Variants in LENG1 observed in about 807,000 individuals in gnomAD.
LENG1 encodes leukocyte receptor cluster (LRC) member 1.
LENG1 carries 35 observed loss-of-function variants against 28.8 expected under a neutral mutation model. The ratio of observed to expected loss-of-function variants is 1.22; its 90% CI spans 0.93 to 1.61. LENG1 has a LOEUF of 1.61. LENG1 is among the 40% of genes most tolerant of loss of function. The pLI, the probability that LENG1 is intolerant of heterozygous loss-of-function variation, is 0.00. For synonymous variants in LENG1, 170 were observed against 140.6 expected (o/e 1.21, Z -1.48); for missense variants, 404 against 348.9 (o/e 1.16, Z -1.26).
At position 54,156,889 on chromosome 19, in the gene LENG1, A is replaced by G; in HGVS notation, c.449T>C (p.Ile150Thr). Residue 150 changes from isoleucine (I) to threonine (T), a missense_variant, in exon 3 of 4, where the codon ATC (isoleucine) becomes ACC (threonine). By Grantham distance (89) the Ile-to-Thr change is moderately conservative. Transcript: ENST00000222224. Reference sequence around the variant, plus strand: ...CCGCAGAGGGTCCAGACGGCTCTTGATCTTCTCATCTGGGGCTGGGCCGGG... The same window carrying G: ...CCGCAGAGGGTCCAGACGGCTCTTGGTCTTCTCATCTGGGGCTGGGCCGGG... ...PPPGPAPDEK[I>T]KSRLDPLREM... The G allele has an allele frequency of 4.1e-6, 6 of 1,452,736 alleles. No homozygotes were observed. Among genetic ancestry groups the G allele is most frequent in the Non-Finnish European group, 5.7e-6 (6 of 1,049,880 alleles). 90.0% of individuals were successfully genotyped at this position (1,452,736 alleles called of 1,614,324 possible). A position where few individuals can be genotyped will look rare whatever the true frequency, so the allele number is the denominator to read the frequency against.
Position 54,155,774 on chromosome 19 carries a change from T to C in LENG1, c.742A>G (p.Asn248Asp). 6.2e-7 allele frequency: 1 copy of C among 1,610,894 alleles called. No individual in the cohort carries two copies. The highest frequency in any genetic ancestry group is 8.5e-7 in the Non-Finnish European group (1 of 1,179,552). ...CGGGGGCGCCGGGCCAGCTGGGGGT[T>C]GAATTGGGAGTTGTACCGCCGCCGC... ...DRRRRYNSQF[N>D]PQLARRPRQQ... is the part of the protein sequence containing the mutation. The change falls in exon 4 of 4, where the codon AAC becomes GAC. Residue 248 changes from asparagine (N) to aspartate (D), a missense_variant. By Grantham distance (23) the Asn-to-Asp change is conservative. Coordinates refer to ENST00000222224, the MANE Select transcript of LENG1 (RefSeq NM_024316.3).
At chr19:54,156,118 T>C (rs1368943173) in intron 3 of LENG1, among the ~76,000 whole-genome samples, 178 bp from the exon 4 acceptor site, 2 of 152,238 alleles carry the variant, frequency 1.3e-5, no homozygotes, top group Non-Finnish European at 2.9e-5. Context: ...GGCACGTCTC[T>C]GGCCTTCCCT....
Position 54,156,772 on chromosome 19 carries a change from C to G in LENG1, c.566G>C (p.Arg189Pro), listed in dbSNP as rs780571663. ...GGTGGGGTCTTCTTACTCCTTGGGTCGCTGCTTCTCAGACCCCTCCTTTTC... is the reference window on the plus strand; with the variant it reads ...GGTGGGGTCTTCTTACTCCTTGGGTGGCTGCTTCTCAGACCCCTCCTTTTC... ...RKEKEGSEKQ[R>P]PKEPPSLDQL... Residue 189 changes from arginine (R) to proline (P), a missense_variant, in exon 3 of 4, where the codon CGA (arginine) becomes CCA (proline). Coordinates refer to ENST00000222224, the MANE Select transcript of LENG1 (RefSeq NM_024316.3). 4 of 1,611,058 alleles carry G rather than the reference C, an allele frequency of 2.5e-6. No homozygotes were observed. Among genetic ancestry groups the G allele is most frequent in the African/African-American group, 1.3e-5 (1 of 74,774 alleles).
Position 54,155,463 on chromosome 19 carries a change from G to A in LENG1, c.*258C>T, listed in dbSNP as rs2075356590. On this transcript the variant is annotated 3_prime_UTR_variant, in exon 4 of 4. Coordinates refer to ENST00000222224, the MANE Select transcript of LENG1 (RefSeq NM_024316.3). ...CCCCGCATGCTGATCCCCCTGCCCA[G>A]GTGAGGGCCCTGCCCTGGAAGACTG... The A allele has an allele frequency of 8.3e-7, 1 of 1,201,522 alleles. No individual in the cohort carries two copies. The highest frequency in any genetic ancestry group is 1.4e-5 in the South Asian group (1 of 73,926). The allele number at this position is 1,201,522 out of a possible 1,614,324, so 74.4% of individuals were successfully genotyped here. A position where few individuals can be genotyped will look rare whatever the true frequency, so the allele number is the denominator to read the frequency against.
At position 54,155,384 on chromosome 19, in the gene LENG1, C is replaced by T; in HGVS notation, c.*337G>A. 6.2e-7 allele frequency: 1 copy of T among 1,610,850 alleles called. No homozygotes were observed. The highest frequency in any genetic ancestry group is 8.5e-7 in the Non-Finnish European group (1 of 1,178,024). ...AGGCTTCACCTTTGAGTACCGCTAC[C>T]TGGAGGACCGGGACCTCCAGTGACA... On this transcript the variant is annotated 3_prime_UTR_variant, in exon 4 of 4. Transcript: ENST00000222224.
chr19:54,155,858 G>T lies in LENG1; in HGVS notation c.658C>A (p.Arg220=), dbSNP rs190733955. 18 of 1,612,732 alleles carry T rather than the reference G, an allele frequency of 1.1e-5. No homozygotes were observed. In the African/African-American group the frequency reaches 2.0e-4, roughly 18 times the overall value. The change falls in exon 4 of 4, where the codon CGG becomes AGG. Residue 220 remains arginine (R), a synonymous_variant. Transcript: ENST00000222224. ...ERSRAEALLA[R]VQGRALQEGQ... is the part of the protein sequence containing the mutation. Reference sequence around the variant, plus strand: ...TCCTGTAGTGCCCGGCCTTGGACCCGGGCCAGCAGGGCCTCTGCCCGAGAC... The same window carrying T: ...TCCTGTAGTGCCCGGCCTTGGACCCTGGCCAGCAGGGCCTCTGCCCGAGAC...
rs2075369732 is a variant in LENG1 at position 54,155,811 on chromosome 19, CTCG to C, written c.702_704del (p.Asp234del). The C allele has an allele frequency of 2.5e-6, 4 of 1,612,484 alleles. No homozygotes were observed. The African/African-American group carries it at 5.3e-5, about 21-fold the overall frequency. On this transcript the variant is annotated inframe_deletion, in exon 4 of 4. Transcript: ENST00000222224. ...TGTACCGCCGCCGCCGGTCATCCGT[CTCG>C]TCTTCTTCCGGCTGACCCTCCTGTA... is the stretch of plus-strand genomic sequence containing the variant.
chr19:54,156,433 A>C (rs35034412), intron 3 of LENG1, among the ~76,000 whole-genome samples: 3 of 152,198 alleles, frequency 2.0e-5, no homozygotes, highest in African/African-American at 7.2e-5. Context: ...GAAAACTAAG[A>C]AAGTTTGGAC....
At chr19:54,158,226 C>T (rs1287851604) in intron 2 of LENG1, 56 bp downstream of exon 2, 5 of 1,510,270 alleles carry the variant, frequency 3.3e-6, no homozygotes, top group African/African-American at 2.8e-5. Context: ...CTAAAGTGCC[C>T]CCTCCCTCCA....
rs2075362477 is a variant in LENG1 at position 54,155,614 on chromosome 19, T to C, written c.*107A>G. 3 of 1,210,590 alleles carry C rather than the reference T, an allele frequency of 2.5e-6. No homozygotes were observed. The highest frequency in any genetic ancestry group is 3.5e-6 in the Non-Finnish European group (3 of 868,248). 75.0% of individuals were successfully genotyped at this position (1,210,590 alleles called of 1,614,324 possible). A position where few individuals can be genotyped will look rare whatever the true frequency, so the allele number is the denominator to read the frequency against. The stretch of plus-strand genomic sequence containing the variant: ...GGCTGCCCCCTCCTCCCCTCCCCAG[T>C]GAGGGACATTTTTTGGTAAACCTAT... On this transcript the variant is annotated 3_prime_UTR_variant, in exon 4 of 4. Coordinates refer to ENST00000222224, the MANE Select transcript of LENG1 (RefSeq NM_024316.3).
chr19:54,155,496 G>GC lies in LENG1; in HGVS notation c.*224dup. On this transcript the variant is annotated 3_prime_UTR_variant, in exon 4 of 4. Transcript: ENST00000222224. ...CCCTGCCCTGGAAGACTGGAGGGAG[G>GC]CCCCAAGCCACGGGGCATCCCCCTC... 2 of 1,003,000 alleles carry GC rather than the reference G, an allele frequency of 2.0e-6. No homozygotes were observed. Among genetic ancestry groups the GC allele is most frequent in the Non-Finnish European group, 2.9e-6 (2 of 683,792 alleles). 62.1% of individuals were successfully genotyped at this position (1,003,000 alleles called of 1,614,324 possible). A position where few individuals can be genotyped will look rare whatever the true frequency, so the allele number is the denominator to read the frequency against.
chr19:54,155,486 C>A lies in LENG1; in HGVS notation c.*235G>T. ...CAGGTGAGGGCCCTGCCCTGGAAGA[C>A]TGGAGGGAGGCCCCAAGCCACGGGG... On this transcript the variant is annotated 3_prime_UTR_variant, in exon 4 of 4. Coordinates refer to ENST00000222224, the MANE Select transcript of LENG1 (RefSeq NM_024316.3). 4.7e-6 allele frequency: 5 copies of A among 1,064,128 alleles called. No homozygotes were observed. Among genetic ancestry groups the A allele is most frequent in the Non-Finnish European group, 6.8e-6 (5 of 734,914 alleles). 65.9% of individuals were successfully genotyped at this position (1,064,128 alleles called of 1,614,324 possible). A position where few individuals can be genotyped will look rare whatever the true frequency, so the allele number is the denominator to read the frequency against.
chr19:54,155,961 T>A, intron 3 of LENG1, 21 bp from the exon 4 acceptor site: 1 of 1,588,960 alleles, frequency 6.3e-7, no homozygotes, highest in East Asian at 2.3e-5. Flanking sequence ...AGGAGTGAGG[T>A]CAGAAAGCTG....
intron 1 of LENG1, among the ~76,000 whole-genome samples, chr19:54,159,163 T>A (rs2075451959): frequency 6.6e-6 from 1 of 152,204 alleles, no homozygotes; most frequent in Non-Finnish European, 1.5e-5. Context: ...CAGTGCTTAT[T>A]GGGGATTCCG....
In LENG1 at chr19:54,158,422, T is replaced by G. The variant is rs1018693589; in HGVS notation, c.172A>C (p.Asn58His). ...GCTGCTTCAAGCTCAGGCAGTGAGT[T>G]CTGATGTCTGGCTTTCTTCCGTAGG... is the stretch of plus-strand genomic sequence containing the variant. ...EFLRKKARHQ[N>H]SLPELEAAEA... The change falls in exon 2 of 4, where the codon AAC (asparagine) becomes CAC (histidine). Residue 58 changes from asparagine to histidine, a missense_variant. By Grantham distance (68) the Asn-to-His change is moderately conservative. Coordinates refer to ENST00000222224, the MANE Select transcript of LENG1 (RefSeq NM_024316.3). 6.2e-7 allele frequency: 1 copy of G among 1,614,034 alleles called. No homozygotes were observed. Among genetic ancestry groups the G allele is most frequent in the Non-Finnish European group, 8.5e-7 (1 of 1,180,018 alleles).
Position 54,157,567 on chromosome 19 carries a change from C to T in LENG1, c.313-542G>A, listed in dbSNP as rs138549361. 2.7e-4 allele frequency among the ~76,000 whole-genome samples: 41 copies of T among 152,000 alleles called. No homozygotes were observed. The East Asian group carries it at 3.3e-3, about 12-fold the overall frequency. ...TATTTTTAGTAGAGACGGGGTTTTG[C>T]CATGTTTGGCCAGGCTGGTCTTGAA... On this transcript the variant is annotated intron_variant, in intron 2 of 3. Transcript: ENST00000222224.
rs371721795 is a variant in LENG1, at chr19:54,155,814, G to T, written c.702C>A (p.Asp234Glu). 5 of 1,612,404 alleles carry T rather than the reference G, an allele frequency of 3.1e-6. No homozygotes were observed. Among genetic ancestry groups the T allele is most frequent in the South Asian group, 1.1e-5 (1 of 90,794 alleles). The change falls in exon 4 of 4, where the codon GAC becomes GAA. Residue 234 changes from aspartate to glutamate, a missense_variant. Asp to Glu is a conservative substitution (Grantham distance 45). Coordinates refer to ENST00000222224, the MANE Select transcript of LENG1 (RefSeq NM_024316.3). ...ACCGCCGCCGCCGGTCATCCGTCTCGTCTTCTTCCGGCTGACCCTCCTGTA... is the reference window on the plus strand; with the variant it reads ...ACCGCCGCCGCCGGTCATCCGTCTCTTCTTCTTCCGGCTGACCCTCCTGTA... ...RALQEGQPEEDETDDRRRRYN... is the reference protein window; with the variant it reads ...RALQEGQPEEEETDDRRRRYN...
At position 54,158,240 on chromosome 19, in the gene LENG1, C is replaced by G. The variant is rs369711554; in HGVS notation, c.312+42G>C. 26 of 1,581,368 alleles carry G rather than the reference C, an allele frequency of 1.6e-5. No individual in the cohort carries two copies. In the East Asian group the frequency reaches 5.6e-4, roughly 34 times the overall value. ...GCTAAAGTGCCCCCTCCCTCCAACT[C>G]GATTCATGGCCCCTCTGATGAAGTG... On this transcript the variant is annotated intron_variant, in intron 2 of 3. Coordinates refer to ENST00000222224, the MANE Select transcript of LENG1 (RefSeq NM_024316.3).
chr19:54,155,441 C>G lies in LENG1; in HGVS notation c.*280G>C. 7.0e-7 allele frequency: 1 copy of G among 1,420,050 alleles called. No individual in the cohort carries two copies. The highest frequency in any genetic ancestry group is 9.7e-7 in the Non-Finnish European group (1 of 1,029,780). The allele number at this position is 1,420,050 out of a possible 1,614,324, so 88.0% of individuals were successfully genotyped here. A position where few individuals can be genotyped will look rare whatever the true frequency, so the allele number is the denominator to read the frequency against. On this transcript the variant is annotated 3_prime_UTR_variant, in exon 4 of 4. Transcript: ENST00000222224. ...CCTCCCTCTACCCACCCCCTTCCCC[C>G]GCATGCTGATCCCCCTGCCCAGGTG...
Sources: allele counts gnomAD v4.1 joint callset (sites outside exome capture counted in the v4.1 genomes callset), GRCh38; gene constraint gnomAD v4.1.1; transcripts MANE v1.5; gene names NCBI Gene and HGNC (gene_info 2026-07-23, HGNC 2026-07-21).